SWAP70: variants seen among roughly 807,000 people sequenced by gnomAD.
The protein encoded by SWAP70 is switching B cell complex subunit SWAP70.
Under a neutral mutation model 80.2 loss-of-function variants are expected in SWAP70, and 34 were observed. That is an observed-to-expected ratio of 0.42 (90% CI 0.32 to 0.56). The LOEUF (loss-of-function observed/expected upper bound fraction) is 0.56. Ranked by LOEUF, SWAP70 falls within the 20% of genes least tolerant of loss-of-function variation. SWAP70 has a pLI of 0.09. For synonymous variants in SWAP70, 239 were observed against 238.5 expected (o/e 1.00, Z -0.02); for missense variants, 578 against 690.7 (o/e 0.84, Z 1.83).
chr11:9,747,594 G>C (rs1851528216), intron 9 of SWAP70, among the ~76,000 whole-genome samples: 1 of 152,244 alleles, frequency 6.6e-6, no homozygotes, highest in Admixed American at 6.5e-5. Context: ...TCTTAGGCCA[G>C]TTCCTGGCAC....
At chr11:9,710,217 T>A (rs1201780516) in intron 2 of SWAP70, among the ~76,000 whole-genome samples, 1 of 152,180 alleles carries the variant, frequency 6.6e-6, no homozygotes, top group Non-Finnish European at 1.5e-5. Context: ...ATAGGGGCAA[T>A]AATTAACCTT....
At chr11:9,739,227 C>T (rs1478249627) in intron 8 of SWAP70, among the ~76,000 whole-genome samples, 2 of 152,198 alleles carry the variant, frequency 1.3e-5, no homozygotes, top group African/African-American at 4.8e-5. Flanking sequence ...GAACACAGGT[C>T]TTCTCACATT....
intron 4 of SWAP70, among the ~76,000 whole-genome samples, chr11:9,725,556 TATATATATA>T (rs1451006336): frequency 0.031 from 349 of 11,376 alleles, 14 homozygotes; most frequent in African/African-American, 0.076. Flanking sequence ...TATATATATA[TATATATATA>T]TATATTTTTT....
chr11:9,683,858 C>T (rs534816947), intron 1 of SWAP70, among the ~76,000 whole-genome samples: 2 of 152,122 alleles, frequency 1.3e-5, no homozygotes, highest in African/African-American at 2.4e-5. Flanking sequence ...TGGTGCATCT[C>T]TGTGTCTACC....
At chr11:9,688,811 G>A (rs1305307193) in intron 1 of SWAP70, among the ~76,000 whole-genome samples, 1 of 152,110 alleles carries the variant, frequency 6.6e-6, no homozygotes, top group African/African-American at 2.4e-5. Context: ...GCAGTGACAA[G>A]CAGGATGAAA....
At chr11:9,719,725 A>C (rs554200760) in intron 3 of SWAP70, among the ~76,000 whole-genome samples, 1 of 152,346 alleles carries the variant, frequency 6.6e-6, no homozygotes, top group Non-Finnish European at 1.5e-5. Flanking sequence ...TATTCCTGGA[A>C]ATATGTGCCT....
At chr11:9,671,595 AAT>A (rs1168084105) in intron 1 of SWAP70, among the ~76,000 whole-genome samples, 27 of 13,806 alleles carry the variant, frequency 2.0e-3, no homozygotes, top group Non-Finnish European at 2.8e-3. Flanking sequence ...TCTATATATA[AAT>A]ATATTTATAT....
At chr11:9,725,553 ATATATATATATATATATTTTTTT>A (rs1417708590) in intron 4 of SWAP70, among the ~76,000 whole-genome samples, 1,815 of 21,550 alleles carry the variant, frequency 0.084, 89 homozygotes, top group African/African-American at 0.19. Context: ...ATATATATAT[ATATATATATATATATATTTTTTT>A]TTTTTTTTTT....
intron 3 of SWAP70, among the ~76,000 whole-genome samples, chr11:9,723,771 CTTTTTTTTT>C (rs34551025): frequency 7.9e-4 from 98 of 124,610 alleles, no homozygotes; most frequent in Middle Eastern, 4.0e-3. Context: ...TCCTTCTTTA[CTTTTTTTTT>C]TTTTTTTTTT....
chr11:9,669,875 C>A (rs550415230), intron 1 of SWAP70, among the ~76,000 whole-genome samples: 92 of 152,232 alleles, frequency 6.0e-4, no homozygotes, highest in Middle Eastern at 3.4e-3. Context: ...CACCTGTAAT[C>A]CCAGCACTTT....
At position 9,675,332 on chromosome 11, in the gene SWAP70, AGAGAGAGAGGGAGC is replaced by A. The variant is rs1565111585; in HGVS notation, c.99+11064_99+11077del. 3.9e-4 allele frequency among the ~76,000 whole-genome samples: 29 copies of A among 73,740 alleles called. 2 individuals are homozygous for A. Among genetic ancestry groups the A allele is most frequent in the South Asian group, 1.7e-3 (2 of 1,188 alleles). 48.4% of individuals were successfully genotyped at this position (73,740 alleles called of 152,430 possible). A position where few individuals can be genotyped will look rare whatever the true frequency, so the allele number is the denominator to read the frequency against. On this transcript the variant is annotated intron_variant, in intron 1 of 11. Transcript: ENST00000318950. Reference sequence around the variant, plus strand: ...AACAGAGAGGGAGCGAGAGAGAGAGAGAGAGAGAGGGAGCGAGAGAGAGAGAGAGAGAGAGAGAG... The same window carrying A: ...AACAGAGAGGGAGCGAGAGAGAGAGAGAGAGAGAGAGAGAGAGAGAGAGAG...
chr11:9,690,399 G>A (rs1464500813), intron 1 of SWAP70, among the ~76,000 whole-genome samples: 1 of 152,036 alleles, frequency 6.6e-6, no homozygotes, highest in Non-Finnish European at 1.5e-5. Context: ...CCAACATGGT[G>A]AAACTCTGTC....
chr11:9,720,547 C>T (rs1851121216), intron 3 of SWAP70: 1 of 923,550 alleles, frequency 1.1e-6, no homozygotes, highest in Admixed American at 6.2e-5. Flanking sequence ...TCGGCTCTAC[C>T]ATCTTGTCTC....
At chr11:9,731,762 A>C (rs546282122) in intron 6 of SWAP70, among the ~76,000 whole-genome samples, 1 of 152,230 alleles carries the variant, frequency 6.6e-6, no homozygotes, top group Non-Finnish European at 1.5e-5. Context: ...GGCTTATACT[A>C]TCTCAGGAAA....
Position 9,729,387 on chromosome 11 carries a change from A to G in SWAP70, c.834A>G (p.Lys278=), listed in dbSNP as rs1384011796. 2 of 1,613,962 alleles carry G rather than the reference A, an allele frequency of 1.2e-6. No individual in the cohort carries two copies. Among genetic ancestry groups the G allele is most frequent in the Admixed American group, 3.3e-5 (2 of 59,986 alleles). ...GAAAGAAATGCCTTTTTCTCGTAAA[A>G]TGTTTTGATAAGACTTTTGAAATCA... ...KDGKKCLFLV[K]CFDKTFEISA... The change falls in exon 6 of 12, where the codon AAA becomes AAG. Residue 278 remains lysine (K), a synonymous_variant. Transcript: ENST00000318950.
rs185369484 is a variant in SWAP70 at position 9,729,612 on chromosome 11, T to C, written c.898+161T>C. 9.9e-5 allele frequency among the ~76,000 whole-genome samples: 15 copies of C among 152,212 alleles called. 1 individual carries two copies. The highest frequency in any genetic ancestry group is 2.1e-4 in the Non-Finnish European group (14 of 68,006). ...CTCCTGGGTTCAAGCAATTATCCTGTCTCAGCCTCCAGAGTAGCTGGGACT... is the reference window on the plus strand; with the variant it reads ...CTCCTGGGTTCAAGCAATTATCCTGCCTCAGCCTCCAGAGTAGCTGGGACT... On this transcript the variant is annotated intron_variant, in intron 6 of 11. Transcript: ENST00000318950.
At chr11:9,708,918 CAG>C (rs953228791) in intron 2 of SWAP70, among the ~76,000 whole-genome samples, 3 of 152,132 alleles carry the variant, frequency 2.0e-5, no homozygotes, top group African/African-American at 7.2e-5. Context: ...GCATTTGAGA[CAG>C]AGTTGCGCTC....
chr11:9,740,066 C>T, intron 8 of SWAP70, 115 bp from the exon 9 acceptor site: 1 of 844,008 alleles, frequency 1.2e-6, no homozygotes, highest in South Asian at 1.8e-5. Flanking sequence ...AGGACAGGGT[C>T]CTGCCACCCT....
In SWAP70 at chr11:9,729,420, A is replaced by G; in HGVS notation, c.867A>G (p.Ser289=). The G allele has an allele frequency of 6.2e-7, 1 of 1,612,822 alleles. No homozygotes were observed. The highest frequency in any genetic ancestry group is 1.1e-5 in the South Asian group (1 of 90,954). ...CFDKTFEISA[S]DKKKKQEWIQ... Reference sequence around the variant, plus strand: ...ATAAGACTTTTGAAATCAGTGCTTCAGATAAGAAGAAGAAACAGGAGTGGA... The same window carrying G: ...ATAAGACTTTTGAAATCAGTGCTTCGGATAAGAAGAAGAAACAGGAGTGGA... The change falls in exon 6 of 12, where the codon TCA becomes TCG. Residue 289 remains serine, a synonymous_variant. Coordinates refer to ENST00000318950, the MANE Select transcript of SWAP70 (RefSeq NM_015055.4).
Sources: allele counts gnomAD v4.1 joint callset (sites outside exome capture counted in the v4.1 genomes callset), GRCh38; gene constraint gnomAD v4.1.1; transcripts MANE v1.5; gene names NCBI Gene and HGNC (gene_info 2026-07-23, HGNC 2026-07-21).